NOTCH1: variants seen among roughly 807,000 people sequenced by gnomAD.
NOTCH1 encodes the protein neurogenic locus notch homolog protein 1.
Under a neutral mutation model 254.8 loss-of-function variants are expected in NOTCH1, and 37 were observed. The observed-to-expected ratio is 0.15, with a 90% confidence interval of 0.11 to 0.19. The LOEUF is 0.19. Among genes scored for constraint, NOTCH1 ranks in the 10% least tolerant of loss-of-function variants. The pLI is 1.00. For missense variants in NOTCH1, 2,972 were observed against 3,708.6 expected, an observed-to-expected ratio of 0.80 and a Z score of 5.16; for synonymous variants, 1,731 against 1,618.1, an observed-to-expected ratio of 1.07 and a Z score of -1.68.
At position 136,545,946 on chromosome 9, in the gene NOTCH1, G is replaced by T. The variant is rs1339449466; in HGVS notation, c.-160C>A. ...CGGCGCTGTGCTCTCGCAGGCCCCC[G>T]GGCCCGGCTCCGCGCCCGGCTCGTT... On this transcript the variant is annotated 5_prime_UTR_variant, in exon 1 of 34. Transcript: ENST00000651671. The surrounding 1 kb of genome is among the most constrained non-coding windows in gnomAD (Gnocchi z 6.8). Among the ~76,000 whole-genome samples the T allele has an allele frequency of 6.8e-6, 1 of 147,434 alleles. No individual in the cohort carries two copies. Among genetic ancestry groups the T allele is most frequent in the Non-Finnish European group, 1.5e-5 (1 of 66,322 alleles).
chr9:136,516,436 C>T (rs777542294), intron 9 of NOTCH1, among the ~76,000 whole-genome samples: 11 of 152,232 alleles, frequency 7.2e-5, no homozygotes, highest in African/African-American at 9.6e-5. Context: ...GGGCTGGCAA[C>T]GCCTCCCTGG....
Position 136,502,692 on chromosome 9 carries a change from G to A in NOTCH1, c.5168-204C>T, listed in dbSNP as rs141303759. On this transcript the variant is annotated intron_variant, in intron 27 of 33. Transcript: ENST00000651671. The stretch of plus-strand genomic sequence containing the variant: ...CGCTAAATTCTCTCCTGCACCAGCC[G>A]ACTCTATCTGGAGACGGCTTTTACT... 2.0e-3 allele frequency: 1,163 copies of A among 577,366 alleles called. 5 individuals are homozygous for A. Among genetic ancestry groups the A allele is most frequent in the Middle Eastern group, 2.8e-3 (6 of 2,166 alleles). The allele number at this position is 577,366 out of a possible 1,614,324, so 35.8% of individuals were successfully genotyped here. A position where few individuals can be genotyped will look rare whatever the true frequency, so the allele number is the denominator to read the frequency against.
intron 2 of NOTCH1, among the ~76,000 whole-genome samples, chr9:136,527,537 G>A (rs971773630): frequency 3.3e-5 from 5 of 152,214 alleles, no homozygotes; most frequent in Admixed American, 3.3e-4. Flanking sequence ...CTCCTATCAG[G>A]GGCGGTGGGG....
At chr9:136,533,574 C>A (rs1843596306) in intron 2 of NOTCH1, among the ~76,000 whole-genome samples, 1 of 152,236 alleles carries the variant, frequency 6.6e-6, no homozygotes, top group Non-Finnish European at 1.5e-5. Flanking sequence ...GCAAGCCCAG[C>A]CCCTGCCTGC....
Position 136,519,523 on chromosome 9 carries a change from G to C in NOTCH1, c.785C>G (p.Pro262Arg). 1 of 1,613,032 alleles carries C rather than the reference G, an allele frequency of 6.2e-7. No individual in the cohort carries two copies. The highest frequency in any genetic ancestry group is 8.5e-7 in the Non-Finnish European group (1 of 1,179,960). The change falls in exon 5 of 34, where the codon CCA (proline) becomes CGA (arginine). Residue 262 changes from proline to arginine, a missense_variant. Around this residue, in one of 8 missense-constraint regions of NOTCH1, gnomAD observed 374 missense variants for 496.3 expected, o/e 0.75. Coordinates refer to ENST00000651671, the MANE Select transcript of NOTCH1 (RefSeq NM_017617.5). ...ACCCCCGTTCTTGCAGTTGTTTCCT[G>C]GACAATCGTCGATATTTTCCTCACA... is the stretch of plus-strand genomic sequence containing the variant. ...QNCEENIDDC[P>R]GNNCKNGGAC...
At position 136,505,802 on chromosome 9, in the gene NOTCH1, G is replaced by T. The variant is rs2133340950; in HGVS notation, c.4094C>A (p.Ser1365Tyr). The change falls in exon 25 of 34, where the codon TCC (serine) becomes TAC (tyrosine). Residue 1365 changes from serine to tyrosine, a missense_variant. Physicochemically the swap from Ser to Tyr is moderately radical, Grantham distance 144. Around this residue, in one of 8 missense-constraint regions of NOTCH1, gnomAD observed 1,343 missense variants for 1,557.0 expected, o/e 0.86. Coordinates refer to ENST00000651671, the MANE Select transcript of NOTCH1 (RefSeq NM_017617.5). ...LRCLNGGTCISGPRSPTCLCL... is the reference protein window; with the variant it reads ...LRCLNGGTCIYGPRSPTCLCL... ...CAGGCAGGTGGGGCTGCGCGGGCCG[G>T]AGATGCATGTGCCGCCGTTGAGGCA... The T allele has an allele frequency of 6.3e-7, 1 of 1,587,606 alleles. No individual in the cohort carries two copies. The highest frequency in any genetic ancestry group is 1.3e-5 in the African/African-American group (1 of 74,622).
chr9:136,536,142 C>T (rs1404490899), intron 2 of NOTCH1, among the ~76,000 whole-genome samples: 6 of 152,138 alleles, frequency 3.9e-5, no homozygotes, highest in East Asian at 1.9e-4. Flanking sequence ...CGCCTATAAC[C>T]GCCCTGCACC....
rs932196144 is a variant in NOTCH1 at position 136,511,276 on chromosome 9, G to A, written c.2468-5C>T. On this transcript the variant is annotated splice_polypyrimidine_tract_variant and splice_region_variant and intron_variant, in intron 15 of 33. Transcript: ENST00000651671. ...GCACCACCTCACACGTGGCACCTGC[G>A]GGAAGGAGACACACGTGACCCCGGG... 28 of 1,609,568 alleles carry A rather than the reference G, an allele frequency of 1.7e-5. No homozygotes were observed. The highest frequency in any genetic ancestry group is 3.3e-5 in the South Asian group (3 of 90,900).
intron 33 of NOTCH1, 131 bp from the exon 34 acceptor site, chr9:136,497,689 G>A: frequency 1.4e-6 from 1 of 706,922 alleles, no homozygotes. Flanking sequence ...CTGCTCCTCA[G>A]GACCCCACCC....
rs2133348915 is a variant in NOTCH1, at chr9:136,508,990, G to A, written c.3051C>T (p.Tyr1017=). 1 of 1,559,806 alleles carries A rather than the reference G, an allele frequency of 6.4e-7. No homozygotes were observed. The highest frequency in any genetic ancestry group is 8.7e-7 in the Non-Finnish European group (1 of 1,152,708). ...CLCPPGFTGS[Y]CQHDVNECDS... The stretch of plus-strand genomic sequence containing the variant: ...CGCACTCATTGACATCGTGCTGGCA[G>A]TAGCTGCCCGTGAAGCCGGGTGGAC... Residue 1017 remains tyrosine, a synonymous_variant, in exon 19 of 34, where the codon TAC becomes TAT. Transcript: ENST00000651671.
In NOTCH1 at chr9:136,496,357, C is replaced by A. The variant is rs750245108; in HGVS notation, c.7382G>T (p.Ser2461Ile). Residue 2461 changes from serine to isoleucine, a missense_variant, in exon 34 of 34, where the codon AGC (serine) becomes ATC (isoleucine). By Grantham distance (142) the Ser-to-Ile change is moderately radical (BLOSUM62 -2). Transcript: ENST00000651671. The stretch of plus-strand genomic sequence containing the variant: ...TGGCAGCGACGTGGGCAGGGCGGGG[C>A]TCTCCTGGGGCAGAATAGTGTGCAC... ...LAVHTILPQESPALPTSLPSS... is the reference protein window; with the variant it reads ...LAVHTILPQEIPALPTSLPSS... 3 of 1,592,936 alleles carry A rather than the reference C, an allele frequency of 1.9e-6. No homozygotes were observed. Among genetic ancestry groups the A allele is most frequent in the Non-Finnish European group, 2.6e-6 (3 of 1,173,432 alleles).
At position 136,496,611 on chromosome 9, in the gene NOTCH1, C is replaced by A. The variant is rs369935287; in HGVS notation, c.7128G>T (p.Gln2376His). The change falls in exon 34 of 34, where the codon CAG becomes CAT. Residue 2376 changes from glutamine (Q) to histidine (H), a missense_variant. By Grantham distance (24) the Gln-to-His change is conservative. Transcript: ENST00000651671. ...QGLPSTRLAT[Q>H]PHLVQTQQVQ... Reference sequence around the variant, plus strand: ...CCTGCTGGGTCTGCACCAGGTGAGGCTGGGTGGCCAGCCGGGTGCTGGGCA... The same window carrying A: ...CCTGCTGGGTCTGCACCAGGTGAGGATGGGTGGCCAGCCGGGTGCTGGGCA... 47 of 1,612,916 alleles carry A rather than the reference C, an allele frequency of 2.9e-5. No homozygotes were observed. The highest frequency in any genetic ancestry group is 3.9e-5 in the Non-Finnish European group (46 of 1,179,994).
chr9:136,505,160 G>T (rs778075796), intron 25 of NOTCH1, 56 bp from the exon 26 acceptor site: 1 of 1,563,740 alleles, frequency 6.4e-7, no homozygotes, highest in Non-Finnish European at 8.7e-7. Flanking sequence ...CGCACCCGCC[G>T]TCCGGTGCCT....
rs1405914952 is a variant in NOTCH1 at position 136,513,140 on chromosome 9, G to A, written c.2354-6C>T. On this transcript the variant is annotated splice_polypyrimidine_tract_variant and splice_region_variant and intron_variant, in intron 14 of 33. Coordinates refer to ENST00000651671, the MANE Select transcript of NOTCH1 (RefSeq NM_017617.5). The surrounding 1 kb of genome is among the most constrained non-coding windows in gnomAD (Gnocchi z 4.7). ...GTTGGTCTGGCAGTTGGGACCTGGA[G>A]GGAAGGGGACAGCACTCGGCATGTC... 1.2e-6 allele frequency: 2 copies of A among 1,609,862 alleles called. No individual in the cohort carries two copies. The highest frequency in any genetic ancestry group is 3.3e-5 in the Admixed American group (2 of 60,000).
chr9:136,515,954 T>TCC (rs777942322), intron 10 of NOTCH1, 27 bp downstream of exon 10: 2 of 1,570,748 alleles, frequency 1.3e-6, no homozygotes, highest in African/African-American at 2.7e-5. Context: ...CCCCAGTCCC[T>TCC]CCCCGCTGGT....
intron 2 of NOTCH1, among the ~76,000 whole-genome samples, chr9:136,533,668 G>T (rs1183384492): frequency 6.6e-6 from 1 of 152,254 alleles, no homozygotes; most frequent in Non-Finnish European, 1.5e-5. Flanking sequence ...TCGAGGGCAG[G>T]ACACTTGTCT....
chr9:136,525,133 G>T (rs1843439302), intron 2 of NOTCH1, among the ~76,000 whole-genome samples: 1 of 152,220 alleles, frequency 6.6e-6, no homozygotes, highest in Admixed American at 6.5e-5. Flanking sequence ...CCACATTACA[G>T]CCGGGGAAAC....
chr9:136,532,648 G>A (rs1026249409), intron 2 of NOTCH1, among the ~76,000 whole-genome samples: 14 of 152,178 alleles, frequency 9.2e-5, no homozygotes, highest in East Asian at 1.9e-4. Flanking sequence ...AACAATTCGC[G>A]GCAGTCGCCC....
rs796657757 is a variant in NOTCH1 at position 136,500,391 on chromosome 9, G to A, written c.5934+161C>T. Among the ~76,000 whole-genome samples the A allele has an allele frequency of 3.9e-5, 6 of 152,308 alleles. No homozygotes were observed. The South Asian group carries it at 6.2e-4, about 16-fold the overall frequency. ...AGATGGGCCCGACGCCCTCCCCCTC[G>A]CACCTCGCTGACTGCGAAGGTCCCA... On this transcript the variant is annotated intron_variant, in intron 31 of 33. Transcript: ENST00000651671.
Sources: allele counts gnomAD v4.1 joint callset (sites outside exome capture counted in the v4.1 genomes callset), GRCh38; gene constraint gnomAD v4.1.1; regional missense constraint gnomAD v4.1.1; non-coding constraint Gnocchi (gnomAD v3.1); transcripts MANE v1.5; gene names NCBI Gene and HGNC (gene_info 2026-07-23, HGNC 2026-07-21).